Variants in GAS7 observed in about 807,000 individuals in gnomAD.
GAS7 encodes growth arrest specific 7.
In GAS7, 28 loss-of-function variants were observed where a neutral mutation model predicts 71.1. That is an observed-to-expected ratio of 0.39 (90% CI 0.29 to 0.54). The LOEUF is 0.54. Among genes scored for constraint, GAS7 ranks in the 20% least tolerant of loss-of-function variants. GAS7 has a pLI of 0.62. For missense variants in GAS7, 436 were observed against 627.8 expected (o/e 0.69, Z 3.27); for synonymous variants, 258 against 245.8 (o/e 1.05, Z -0.46).
Position 10,036,462 on chromosome 17 carries a change from G to A in GAS7, c.184-16565C>T, listed in dbSNP as rs755925842. The A allele has an allele frequency of 6.1e-5, 98 of 1,613,692 alleles. No homozygotes were observed. The East Asian group carries it at 2.2e-3, about 36-fold the overall frequency. On this transcript the variant is annotated intron_variant, in intron 1 of 13. Coordinates refer to ENST00000432992, the MANE Select transcript of GAS7 (RefSeq NM_201433.2). ...CAGAGAACAGCTAACCTTCTCTGGG[G>A]GCTGCTACCTCAGAGGAGAGTCTTG...
At chr17:10,091,321 C>T (rs1430451545) in intron 1 of GAS7, among the ~76,000 whole-genome samples, 4 of 152,078 alleles carry the variant, frequency 2.6e-5, no homozygotes, top group African/African-American at 2.4e-5. Flanking sequence ...AGAGAAGTAA[C>T]GGTTGTACAA....
chr17:9,941,128 C>T (rs968173588), intron 7 of GAS7, among the ~76,000 whole-genome samples: 2 of 152,198 alleles, frequency 1.3e-5, no homozygotes, highest in East Asian at 1.9e-4. Context: ...GGCAGCATTC[C>T]GAGTAATAAT....
chr17:10,022,685 G>A (rs1407013359), intron 1 of GAS7, among the ~76,000 whole-genome samples: 2 of 152,228 alleles, frequency 1.3e-5, no homozygotes, highest in African/African-American at 4.8e-5. Flanking sequence ...GGCAGCGCCT[G>A]TCCTGAGGGA....
At chr17:10,015,987 A>T (rs1387875412) in intron 2 of GAS7, among the ~76,000 whole-genome samples, 1 of 152,180 alleles carries the variant, frequency 6.6e-6, no homozygotes, top group African/African-American at 2.4e-5. Context: ...TGCAGGGCAG[A>T]GACTTTGTTC....
intron 1 of GAS7, among the ~76,000 whole-genome samples, chr17:10,106,114 T>A (rs908552958): frequency 2.0e-5 from 3 of 152,188 alleles, no homozygotes; most frequent in Non-Finnish European, 4.4e-5. Flanking sequence ...CCTCTTGTCA[T>A]ATCAACTCCC....
chr17:9,982,868 A>G (rs539492172), intron 2 of GAS7, among the ~76,000 whole-genome samples: 1 of 131,212 alleles, frequency 7.6e-6, no homozygotes, highest in Non-Finnish European at 1.6e-5. Context: ...AAAGAAAGAA[A>G]GCAAAGAAAG....
intron 5 of GAS7, among the ~76,000 whole-genome samples, chr17:9,948,132 G>A (rs2068863840): frequency 6.6e-6 from 1 of 152,262 alleles, no homozygotes; most frequent in African/African-American, 2.4e-5. Context: ...GAGGCTATTA[G>A]TAGTTAAGTT....
At chr17:10,178,075 T>C (rs1168255544) in intron 1 of GAS7, among the ~76,000 whole-genome samples, 1 of 152,098 alleles carries the variant, frequency 6.6e-6, no homozygotes, top group East Asian at 1.9e-4. Context: ...GAGGGATTCC[T>C]GGAGGGAGTG....
chr17:9,996,214 A>G (rs945248731), intron 2 of GAS7, among the ~76,000 whole-genome samples: 2 of 152,226 alleles, frequency 1.3e-5, no homozygotes, highest in Non-Finnish European at 2.9e-5. Context: ...AATGTGGCAC[A>G]TATACACCAT....
chr17:9,987,780 T>C (rs947899175), intron 2 of GAS7, among the ~76,000 whole-genome samples: 2 of 152,258 alleles, frequency 1.3e-5, no homozygotes, highest in Non-Finnish European at 2.9e-5. Flanking sequence ...AAGTTATTAA[T>C]TTTAAATAGT....
chr17:10,080,409 A>G (rs1359492402), intron 1 of GAS7, among the ~76,000 whole-genome samples: 2 of 152,226 alleles, frequency 1.3e-5, no homozygotes, highest in Admixed American at 1.3e-4. Flanking sequence ...AGAAATAACC[A>G]TAAAAATAGG....
chr17:10,065,629 C>T (rs890769720), intron 1 of GAS7, among the ~76,000 whole-genome samples: 4 of 152,182 alleles, frequency 2.6e-5, no homozygotes, highest in African/African-American at 9.7e-5. Context: ...CTCAGATAAC[C>T]CAGGAAAACC....
chr17:9,918,669 C>T (rs915231403), intron 12 of GAS7, among the ~76,000 whole-genome samples: 3 of 152,160 alleles, frequency 2.0e-5, no homozygotes, highest in South Asian at 2.1e-4. Flanking sequence ...GTGCTGTGGC[C>T]GCAATAGAGA....
intron 5 of GAS7, 62 bp from the exon 6 acceptor site, chr17:9,947,045 C>T (rs181583260): frequency 1.2e-5 from 14 of 1,170,216 alleles, no homozygotes; most frequent in East Asian, 4.8e-5. Context: ...AGGAAGGCTT[C>T]GGCTCCTGGG....
chr17:10,181,450 G>A (rs950439858), intron 1 of GAS7, among the ~76,000 whole-genome samples: 19 of 152,030 alleles, frequency 1.2e-4, no homozygotes, highest in African/African-American at 4.1e-4. Flanking sequence ...AAGAGGATGG[G>A]GGAGGAGGGT....
At chr17:9,942,514 C>T (rs2068640634) in intron 7 of GAS7, among the ~76,000 whole-genome samples, 4 of 152,152 alleles carry the variant, frequency 2.6e-5, no homozygotes. Context: ...GTTTCTTCAT[C>T]TGTGTTCCCA....
rs2072708326 is a variant in GAS7 at position 10,034,814 on chromosome 17, G to A, written c.184-14917C>T. On this transcript the variant is annotated intron_variant, in intron 1 of 13. Coordinates refer to ENST00000432992, the MANE Select transcript of GAS7 (RefSeq NM_201433.2). This position sits in a 1 kb window ranked among gnomAD's most constrained non-coding sequence, Gnocchi z 4.4. ...GTGCTTCCACCTCTCACCACACTGA[G>A]TTCTGTCCTGATGCGTCCACCTCTT... 6.6e-6 allele frequency among the ~76,000 whole-genome samples: 1 copy of A among 152,126 alleles called. No individual in the cohort carries two copies.
At chr17:10,050,266 G>T (rs1021844380) in intron 1 of GAS7, among the ~76,000 whole-genome samples, 3 of 152,042 alleles carry the variant, frequency 2.0e-5, no homozygotes, top group African/African-American at 7.2e-5. Flanking sequence ...CTTTCAAATG[G>T]CAAGACAGTT....
intron 1 of GAS7, among the ~76,000 whole-genome samples, chr17:10,171,004 C>T (rs1232446349): frequency 6.6e-6 from 1 of 152,194 alleles, no homozygotes; most frequent in Non-Finnish European, 1.5e-5. Context: ...CAGCAATTTG[C>T]CTAAGTCCCA....
Sources: gnomAD v4.1 joint callset for allele counts (sites outside exome capture counted in the v4.1 genomes callset) on GRCh38, gnomAD v4.1.1 for gene constraint, Gnocchi (gnomAD v3.1) non-coding constraint, MANE v1.5 for transcripts, NCBI Gene and HGNC (gene_info 2026-07-23, HGNC 2026-07-21) for gene names.